The following SHANK2 variants were observed in gnomAD, a reference collection of about 807,000 sequenced individuals.
The protein encoded by SHANK2 is SH3 and multiple ankyrin repeat domains protein 2.
A neutral mutation model predicts 133.7 loss-of-function variants in SHANK2; 43 were observed. The ratio of observed to expected loss-of-function variants is 0.32; its 90% CI spans 0.25 to 0.41. The LOEUF (loss-of-function observed/expected upper bound fraction) is 0.41. SHANK2 is among the 10% of genes least tolerant of loss of function. SHANK2 has a pLI of 1.00. For missense variants in SHANK2, 1,994 were observed against 2,235.8 expected (o/e 0.89, Z 2.18); for synonymous variants, 1,017 against 952.8 (o/e 1.07, Z -1.24).
chr11:71,197,864 T>C (rs1953939513), intron 2 of SHANK2, among the ~76,000 whole-genome samples: 1 of 152,168 alleles, frequency 6.6e-6, no homozygotes, highest in Non-Finnish European at 1.5e-5. Flanking sequence ...TTACCCATGC[T>C]CAGCCCCACG....
rs534575727 is a variant in SHANK2 at position 71,099,298 on chromosome 11, C to T, written c.593-4610G>A. ...TGAGAGAAGAAAAAGGTGTGGACTT[C>T]GGTTAATAATAATGCATCGATATCG... On this transcript the variant is annotated intron_variant, in intron 6 of 25. Transcript: ENST00000601538. Among the ~76,000 whole-genome samples, 14 of 152,152 alleles carry T rather than the reference C, an allele frequency of 9.2e-5. No individual in the cohort carries two copies. The East Asian group carries it at 2.7e-3, about 29-fold the overall frequency.
chr11:70,940,111 C>A (rs1555084085), intron 10 of SHANK2, among the ~76,000 whole-genome samples: 1 of 144,180 alleles, frequency 6.9e-6, no homozygotes, highest in African/African-American at 2.5e-5. Flanking sequence ...CCCACCCACA[C>A]CTTGATTTCA....
At chr11:71,121,515 T>G (rs1952083930) in intron 3 of SHANK2, among the ~76,000 whole-genome samples, 1 of 152,222 alleles carries the variant, frequency 6.6e-6, no homozygotes, top group South Asian at 2.1e-4. Context: ...TTCTGTAGAT[T>G]GCCTGTTCAC....
chr11:70,525,997 A>AC (rs1294570447), intron 17 of SHANK2, among the ~76,000 whole-genome samples: 2 of 77,462 alleles, frequency 2.6e-5, no homozygotes, highest in Non-Finnish European at 4.9e-5. Flanking sequence ...CTCTGCCCCC[A>AC]CCCCCCACCC....
At chr11:70,539,471 G>A (rs2059586247) in intron 17 of SHANK2, among the ~76,000 whole-genome samples, 1 of 151,954 alleles carries the variant, frequency 6.6e-6, no homozygotes. Context: ...GGGGGGTTTA[G>A]GGCACACAGA....
intron 17 of SHANK2, among the ~76,000 whole-genome samples, chr11:70,607,558 T>C (rs999132317): frequency 1.3e-5 from 2 of 152,222 alleles, no homozygotes; most frequent in Admixed American, 6.5e-5. Flanking sequence ...ATTTACTCCC[T>C]GGGCCCACGG....
chr11:70,581,155 GACGACGGCA>G (rs2060179334), intron 17 of SHANK2, among the ~76,000 whole-genome samples: 1 of 152,204 alleles, frequency 6.6e-6, no homozygotes, highest in Non-Finnish European at 1.5e-5. Flanking sequence ...CTCCATCAGG[GACGACGGCA>G]AAAGTAAGTC....
At chr11:70,849,232 A>T (rs996533660) in intron 11 of SHANK2, among the ~76,000 whole-genome samples, 26 of 152,208 alleles carry the variant, frequency 1.7e-4, no homozygotes, top group African/African-American at 6.3e-4. Flanking sequence ...TATTGTTTGA[A>T]CCCAGGGATC....
intron 2 of SHANK2, among the ~76,000 whole-genome samples, chr11:71,203,728 C>G (rs1954067606): frequency 6.6e-6 from 1 of 152,214 alleles, no homozygotes; most frequent in Non-Finnish European, 1.5e-5. Context: ...ATCAGATGGC[C>G]TGTGCTAACA....
chr11:70,486,203 C>T lies in SHANK2; in HGVS notation c.4090G>A (p.Ala1364Thr), dbSNP rs782407176. 1 of 1,613,730 alleles carries T rather than the reference C, an allele frequency of 6.2e-7. No homozygotes were observed. Residue 1364 changes from alanine to threonine, a missense_variant, in exon 25 of 26, where the codon GCC (alanine) becomes ACC (threonine). This residue lies in a region of SHANK2 where 797 missense variants were observed against 907.4 expected (regional missense o/e 0.88). Coordinates refer to ENST00000601538, the MANE Select transcript of SHANK2 (RefSeq NM_012309.5). This position sits in a 1 kb window ranked among gnomAD's most constrained non-coding sequence, Gnocchi z 8.0. ...CCGGGCACGGTGGTGGGCTCGGGGG[C>T]AGCGGAGATCTGTAAAGCACCTTCG... ...ETEGALQISA[A>T]PEPTTVPGRT...
chr11:70,905,624 A>G (rs1950090213), intron 10 of SHANK2, among the ~76,000 whole-genome samples: 1 of 152,060 alleles, frequency 6.6e-6, no homozygotes, highest in Admixed American at 6.5e-5. Flanking sequence ...TGCCCTTGGA[A>G]AAGAGGCTGC....
rs1555125012 is a variant in SHANK2 at position 71,246,449 on chromosome 11, C to CGGCAG, written c.-113+5975_-113+5976insCTGCC. On this transcript the variant is annotated intron_variant, in intron 1 of 25. Coordinates refer to ENST00000601538, the MANE Select transcript of SHANK2 (RefSeq NM_012309.5). The stretch of plus-strand genomic sequence containing the variant: ...GCCTGGCAGTATGCAGAGCACACAC[C>CGGCAG]TGGCATCACATGTCACTGCCTTCAC... Among the ~76,000 whole-genome samples, 11 of 152,334 alleles carry CGGCAG rather than the reference C, an allele frequency of 7.2e-5. No individual in the cohort carries two copies. The East Asian group carries it at 9.6e-4, about 13-fold the overall frequency.
chr11:70,838,345 A>G (rs1278937426), intron 11 of SHANK2, among the ~76,000 whole-genome samples: 1 of 152,204 alleles, frequency 6.6e-6, no homozygotes, highest in Non-Finnish European at 1.5e-5. Context: ...TTGGTTGCAC[A>G]TTGCATTTTC....
chr11:70,698,815 C>G, intron 14 of SHANK2, 52 bp from the exon 15 acceptor site: 1 of 718,196 alleles, frequency 1.4e-6, no homozygotes, highest in Non-Finnish European at 2.6e-6. Flanking sequence ...GGTCCCCGAA[C>G]GCGGAACCCA....
intron 3 of SHANK2, among the ~76,000 whole-genome samples, chr11:71,131,310 G>T (rs1952302102): frequency 6.6e-6 from 1 of 152,240 alleles, no homozygotes; most frequent in South Asian, 2.1e-4. Flanking sequence ...CATGTCAATG[G>T]AACAGGGAAA....
intron 17 of SHANK2, among the ~76,000 whole-genome samples, chr11:70,520,211 T>C (rs2059314116): frequency 1.3e-5 from 2 of 152,208 alleles, no homozygotes; most frequent in African/African-American, 4.8e-5. Context: ...AAACCAGTAT[T>C]GATATATTTC....
At chr11:71,164,860 C>T (rs1953105944) in intron 2 of SHANK2, among the ~76,000 whole-genome samples, 1 of 152,156 alleles carries the variant, frequency 6.6e-6, no homozygotes, top group Non-Finnish European at 1.5e-5. Context: ...ACTTTCCAGT[C>T]ACCTGCTTGG....
chr11:70,618,296 GA>G (rs33915522), intron 17 of SHANK2, among the ~76,000 whole-genome samples: 2,372 of 112,102 alleles, frequency 0.021, 48 homozygotes, highest in African/African-American at 0.073. Context: ...CTCGGTCTCA[GA>G]AAAAAAAAAA....
chr11:71,243,374 AG>A (rs1164030806), intron 1 of SHANK2, among the ~76,000 whole-genome samples: 2 of 152,246 alleles, frequency 1.3e-5, no homozygotes, highest in African/African-American at 2.4e-5. Context: ...GAATGAAAGA[AG>A]GGACATTATT....
Sources: gnomAD v4.1 joint callset for allele counts (sites outside exome capture counted in the v4.1 genomes callset) on GRCh38, gnomAD v4.1.1 for gene constraint, gnomAD v4.1.1 regional missense constraint, Gnocchi (gnomAD v3.1) non-coding constraint, MANE v1.5 for transcripts, NCBI Gene and HGNC (gene_info 2026-07-23, HGNC 2026-07-21) for gene names.